Variants in SPRR2B observed in about 807,000 individuals in gnomAD.
The protein encoded by SPRR2B is small proline rich protein 2B, also known as small proline-rich protein 2B.
Under a neutral mutation model 1.0 loss-of-function variants are expected in SPRR2B, and 1 was observed. That is an observed-to-expected ratio of 1.01 (90% CI 0.36 to 4.77). SPRR2B has a LOEUF of 4.77. SPRR2B is among the 30% of genes most tolerant of loss of function. SPRR2B has a pLI of 0.16. For synonymous variants in SPRR2B, 27 were observed against 33.4 expected, an observed-to-expected ratio of 0.81 and a Z score of 0.66; for missense variants, 53 against 88.7, an observed-to-expected ratio of 0.60 and a Z score of 1.62.
chr1:153,081,672 C>T, the SPRR2B span, among the ~76,000 whole-genome samples: 1 of 152,144 alleles, frequency 6.6e-6, no homozygotes, highest in African/African-American at 2.4e-5. Context: ...TGTAACTTCA[C>T]TTTTTATTTT....
upstream of SPRR2B, among the ~76,000 whole-genome samples, chr1:153,075,736 T>C (rs1654757516): frequency 6.6e-6 from 1 of 152,214 alleles, no homozygotes; most frequent in Non-Finnish European, 1.5e-5. Context: ...CATTTGCTTC[T>C]CTTTAAGACC....
At chr1:153,079,089 T>C in the SPRR2B span, among the ~76,000 whole-genome samples, 1 of 152,270 alleles carries the variant, frequency 6.6e-6, no homozygotes, top group Non-Finnish European at 1.5e-5. Context: ...ATTGTGGTTT[T>C]GATTTGCATT....
chr1:153,075,889 C>A (rs563834017), upstream of SPRR2B, among the ~76,000 whole-genome samples: 13 of 152,092 alleles, frequency 8.5e-5, no homozygotes, highest in Non-Finnish European at 1.8e-4. Context: ...ATGAGTTAAC[C>A]TAAGCAGAAA....
At chr1:153,083,020 C>T in the SPRR2B span, among the ~76,000 whole-genome samples, 1 of 152,192 alleles carries the variant, frequency 6.6e-6, no homozygotes, top group Non-Finnish European at 1.5e-5. Context: ...AAAGGAGGAA[C>T]ATTACACTGA....
chr1:153,083,874 T>C, the SPRR2B span, among the ~76,000 whole-genome samples: 5 of 152,206 alleles, frequency 3.3e-5, no homozygotes, highest in African/African-American at 7.2e-5. Context: ...GGAGCAGGGC[T>C]AGGGATGGCC....
At chr1:153,081,067 G>A in the SPRR2B span, among the ~76,000 whole-genome samples, 2 of 152,278 alleles carry the variant, frequency 1.3e-5, no homozygotes, top group African/African-American at 4.8e-5. Flanking sequence ...TATGATTTCT[G>A]TAAAAGGCAA....
intron 1 of SPRR2B, among the ~76,000 whole-genome samples, 114 bp downstream of exon 1, chr1:153,071,455 C>T (rs310104): frequency 0.16 from 25,042 of 152,036 alleles, 3,518 homozygotes; most frequent in East Asian, 0.49. Flanking sequence ...TATTTCCATC[C>T]ACTAAGTACC....
the SPRR2B span, among the ~76,000 whole-genome samples, chr1:153,085,554 C>A: frequency 6.6e-6 from 1 of 152,114 alleles, no homozygotes; most frequent in Non-Finnish European, 1.5e-5. Flanking sequence ...GTTAGTGATA[C>A]ATTGGTGTTG....
In SPRR2B at chr1:153,070,770, G is replaced by A. The variant is rs530224469; in HGVS notation, c.70C>T (p.Pro24Ser). The stretch of plus-strand genomic sequence containing the variant: ...CACTTCGGGGGTGGACATGGCTCTG[G>A]GCACTTTGGCGTGGGGCACACAGGA... The part of the protein sequence containing the change: ...PPPVCPTPKC[P>S]EPCPPPKCPE... Residue 24 changes from proline (P) to serine (S), a missense_variant, in exon 2 of 2, where the codon CCA (proline) becomes TCA (serine). Coordinates refer to ENST00000368755, the MANE Select transcript of SPRR2B (RefSeq NM_001388198.1). 2.0e-5 allele frequency: 32 copies of A among 1,604,082 alleles called. No individual in the cohort carries two copies. In the African/African-American group the frequency reaches 3.7e-4, roughly 18 times the overall value.
chr1:153,083,966 G>C, the SPRR2B span, among the ~76,000 whole-genome samples: 7 of 152,192 alleles, frequency 4.6e-5, no homozygotes, highest in African/African-American at 1.4e-4. Context: ...GGGCAATCTT[G>C]CCTTTCAGAT....
In SPRR2B at chr1:153,070,227, A is replaced by G. The variant is rs958294043; in HGVS notation, c.*394T>C. ...AAACAAAAGACCCATTCACAAATAT[A>G]TATGCATAGATACTTTATTCAGGGA... On this transcript the variant is annotated 3_prime_UTR_variant, in exon 2 of 2. Coordinates refer to ENST00000368755, the MANE Select transcript of SPRR2B (RefSeq NM_001388198.1). 8 of 425,668 alleles carry G rather than the reference A, an allele frequency of 1.9e-5. No homozygotes were observed. Among genetic ancestry groups the G allele is most frequent in the Non-Finnish European group, 3.3e-5 (8 of 241,110 alleles). The allele number at this position is 425,668 out of a possible 1,614,324, so 26.4% of individuals were successfully genotyped here. A position where few individuals can be genotyped will look rare whatever the true frequency, so the allele number is the denominator to read the frequency against.
At chr1:153,078,559 T>C in the SPRR2B span, among the ~76,000 whole-genome samples, 21 of 145,636 alleles carry the variant, frequency 1.4e-4, no homozygotes, top group African/African-American at 4.7e-4. Context: ...TTCCCCTTCC[T>C]GTGTCCATGT....
At chr1:153,078,897 C>T in the SPRR2B span, among the ~76,000 whole-genome samples, 1 of 152,172 alleles carries the variant, frequency 6.6e-6, no homozygotes, top group Non-Finnish European at 1.5e-5. Flanking sequence ...GATGGCTGGT[C>T]AAATGGTATT....
At chr1:153,079,883 T>C in the SPRR2B span, among the ~76,000 whole-genome samples, 1 of 152,114 alleles carries the variant, frequency 6.6e-6, no homozygotes, top group Admixed American at 6.5e-5. Flanking sequence ...TTAAAGTAGT[T>C]TTTTCCAATT....
chr1:153,081,208 T>TA, the SPRR2B span, among the ~76,000 whole-genome samples: 1 of 152,274 alleles, frequency 6.6e-6, no homozygotes, highest in East Asian at 1.9e-4. Context: ...TCTTCATATC[T>TA]AAGAAATCCT....
chr1:153,082,809 A>C, the SPRR2B span, among the ~76,000 whole-genome samples: 1 of 152,190 alleles, frequency 6.6e-6, no homozygotes, highest in African/African-American at 2.4e-5. Flanking sequence ...GGAAACTACA[A>C]AAAGTAAATT....
chr1:153,086,357 A>G, the SPRR2B span, among the ~76,000 whole-genome samples: 1 of 152,206 alleles, frequency 6.6e-6, no homozygotes, highest in Non-Finnish European at 1.5e-5. Flanking sequence ...TGAAAAACAG[A>G]AAAAAGCAGG....
chr1:153,082,490 AG>A, the SPRR2B span, among the ~76,000 whole-genome samples: 1 of 152,360 alleles, frequency 6.6e-6, no homozygotes, highest in African/African-American at 2.4e-5. Context: ...ATATTTTAAA[AG>A]ACTAAAATCA....
chr1:153,081,407 C>A, the SPRR2B span, among the ~76,000 whole-genome samples: 1 of 152,088 alleles, frequency 6.6e-6, no homozygotes, highest in Admixed American at 6.5e-5. Context: ...TACTTAAAGC[C>A]CTAAAATAAA....
Sources: gnomAD v4.1 joint callset for allele counts (sites outside exome capture counted in the v4.1 genomes callset) on GRCh38, gnomAD v4.1.1 for gene constraint, MANE v1.5 for transcripts, NCBI Gene and HGNC (gene_info 2026-07-23, HGNC 2026-07-21) for gene names.